TEX11: variants seen among roughly 807,000 people sequenced by gnomAD.
TEX11 encodes the protein testis-expressed protein 11.
A neutral mutation model predicts 84.4 loss-of-function variants in TEX11; 7 were observed. The ratio of observed to expected loss-of-function variants is 0.08; its 90% CI spans 0.05 to 0.16. The LOEUF (loss-of-function observed/expected upper bound fraction) is 0.16. Among genes scored for constraint, TEX11 ranks in the 10% least tolerant of loss-of-function variants. The probability of loss-of-function intolerance (pLI) is 1.00; values close to 1 mark genes in which losing one functional copy is unlikely to be tolerated. For missense variants in TEX11, 551 were observed against 660.5 expected (o/e 0.83, Z 1.82); for synonymous variants, 264 against 222.8 (o/e 1.18, Z -1.64).
At chrX:70,750,124 A>G (rs1658637713) in intron 9 of TEX11, among the ~76,000 whole-genome samples, 1 of 111,933 alleles carries the variant, frequency 8.9e-6, no homozygotes. Context: ...ACATGAACAG[A>G]CACTTCTCAA....
At chrX:70,712,337 G>A (rs2090444699) in intron 13 of TEX11, among the ~76,000 whole-genome samples, 2 of 111,603 alleles carry the variant, frequency 1.8e-5, no homozygotes, top group South Asian at 7.5e-4. Flanking sequence ...AAAGTCACTG[G>A]TAGCTTGATG....
intron 2 of TEX11, among the ~76,000 whole-genome samples, chrX:70,894,246 C>T (rs746261366): frequency 3.2e-4 from 35 of 111,005 alleles, no homozygotes; most frequent in African/African-American, 1.1e-3. Flanking sequence ...ATCCTGATAC[C>T]AAAACCTGGC....
chrX:70,862,749 C>CA (rs749817870), intron 4 of TEX11, among the ~76,000 whole-genome samples: 12,937 of 69,172 alleles, frequency 0.19, 899 homozygotes, highest in Middle Eastern at 0.35. Context: ...AGTAAAAATA[C>CA]AAAAAAAAAA....
chrX:70,825,185 G>A (rs753703514), intron 8 of TEX11, among the ~76,000 whole-genome samples: 2 of 109,967 alleles, frequency 1.8e-5, no homozygotes, highest in South Asian at 7.9e-4. Flanking sequence ...GGTGGTGTAC[G>A]CTTGTAATCC....
chrX:70,522,642 T>G, the TEX11 span, among the ~76,000 whole-genome samples: 2 of 110,641 alleles, frequency 1.8e-5, no homozygotes, highest in Non-Finnish European at 3.8e-5. Context: ...CAAGCGATTC[T>G]CCTGCCTCAG....
intron 13 of TEX11, among the ~76,000 whole-genome samples, chrX:70,700,226 T>G (rs1253122818): frequency 9.0e-6 from 1 of 111,158 alleles, no homozygotes; most frequent in African/African-American, 3.3e-5. Context: ...GCCTCCTGAG[T>G]AGTCTCAGCC....
intron 4 of TEX11, among the ~76,000 whole-genome samples, chrX:70,866,611 A>G (rs1366638534): frequency 1.8e-5 from 2 of 111,555 alleles, no homozygotes; most frequent in Non-Finnish European, 3.8e-5. Flanking sequence ...ATTTCAGGCC[A>G]ATATCCCTGA....
chrX:70,867,770 A>G (rs1335589985), intron 4 of TEX11, among the ~76,000 whole-genome samples: 1 of 111,764 alleles, frequency 8.9e-6, no homozygotes, highest in Non-Finnish European at 1.9e-5. Flanking sequence ...AAAAAAAGCA[A>G]TGGGGGAAGG....
intron 25 of TEX11, among the ~76,000 whole-genome samples, chrX:70,566,499 G>T (rs1397782260): frequency 1.8e-5 from 2 of 110,962 alleles, no homozygotes; most frequent in Non-Finnish European, 3.8e-5. Context: ...CAAAGGGAAT[G>T]CTTCCGTTTT....
intron 13 of TEX11, among the ~76,000 whole-genome samples, chrX:70,701,833 T>G (rs1320985798): frequency 9.0e-6 from 1 of 110,609 alleles, no homozygotes; most frequent in Non-Finnish European, 1.9e-5. Flanking sequence ...CTTGGAGGGG[T>G]TCAAGACTTC....
At chrX:70,678,198 C>T (rs761666808) in intron 15 of TEX11, among the ~76,000 whole-genome samples, 68 of 109,120 alleles carry the variant, frequency 6.2e-4, no homozygotes, top group Non-Finnish European at 7.2e-4. Flanking sequence ...TTTTTCTTTT[C>T]GTCTATTTTG....
intron 2 of TEX11, among the ~76,000 whole-genome samples, chrX:70,885,209 A>G (rs1037569245): frequency 2.7e-5 from 3 of 111,825 alleles, no homozygotes; most frequent in African/African-American, 9.7e-5. Flanking sequence ...CAAGCCCATG[A>G]AGAATGAGAG....
At chrX:70,810,950 A>T (rs2091249156) in intron 8 of TEX11, among the ~76,000 whole-genome samples, 1 of 111,785 alleles carries the variant, frequency 8.9e-6, no homozygotes, top group Non-Finnish European at 1.9e-5. Flanking sequence ...TATACCGTAG[A>T]TATTTAGTTT....
At chrX:70,803,384 A>T (rs936313803) in intron 9 of TEX11, among the ~76,000 whole-genome samples, 9 of 111,286 alleles carry the variant, frequency 8.1e-5, no homozygotes, top group Non-Finnish European at 7.5e-5. Flanking sequence ...TGTGGCAGAA[A>T]GCAAGGAGAG....
chrX:70,842,630 A>C (rs1305600741), intron 7 of TEX11, among the ~76,000 whole-genome samples: 1 of 111,741 alleles, frequency 8.9e-6, no homozygotes, highest in Non-Finnish European at 1.9e-5. Flanking sequence ...AGTGCTGGCC[A>C]AGGCAATTAG....
At chrX:70,893,657 T>C (rs2147882932) in intron 2 of TEX11, among the ~76,000 whole-genome samples, 1 of 110,903 alleles carries the variant, frequency 9.0e-6, no homozygotes, top group East Asian at 2.8e-4. Flanking sequence ...AACATCACAA[T>C]TAAAAGAACT....
intron 17 of TEX11, among the ~76,000 whole-genome samples, chrX:70,641,671 G>C (rs2147587193): frequency 9.0e-6 from 1 of 111,223 alleles, no homozygotes; most frequent in African/African-American, 3.3e-5. Context: ...AATGACTGCT[G>C]GGTACATAAC....
chrX:70,735,540 G>T (rs898919729), intron 11 of TEX11, among the ~76,000 whole-genome samples: 2 of 111,657 alleles, frequency 1.8e-5, no homozygotes, highest in African/African-American at 6.5e-5. Flanking sequence ...GCATAAAGAA[G>T]CAATAAATTT....
intron 7 of TEX11, among the ~76,000 whole-genome samples, chrX:70,848,353 A>G (rs2091490135): frequency 8.9e-6 from 1 of 111,821 alleles, no homozygotes; most frequent in Non-Finnish European, 1.9e-5. Context: ...TTCTGCCTAT[A>G]TGACTTTGCT....
Sources: allele counts gnomAD v4.1 joint callset (sites outside exome capture counted in the v4.1 genomes callset), GRCh38; gene constraint gnomAD v4.1.1; transcripts MANE v1.5; gene names NCBI Gene and HGNC (gene_info 2026-07-23, HGNC 2026-07-21).